The following CBL variants were observed in gnomAD, a reference collection of about 807,000 sequenced individuals.
CBL encodes the protein Cbl proto-oncogene.
CBL carries 45 observed loss-of-function variants against 96.9 expected under a neutral mutation model. The ratio of observed to expected loss-of-function variants is 0.46; its 90% CI spans 0.37 to 0.60. The LOEUF is 0.60. Ranked by LOEUF, CBL falls within the 20% of genes least tolerant of loss-of-function variation. CBL has a pLI of 0.00. For missense variants in CBL, 1,024 were observed against 1,143.5 expected (o/e 0.90, Z 1.51); for synonymous variants, 420 against 426.8 (o/e 0.98, Z 0.20).
At position 119,244,495 on chromosome 11, in the gene CBL, G is replaced by A. The variant is rs140688391; in HGVS notation, c.443+11800G>A. 4.0e-4 allele frequency among the ~76,000 whole-genome samples: 60 copies of A among 151,194 alleles called. 1 individual carries two copies. The East Asian group carries it at 0.01, about 26-fold the overall frequency. The stretch of plus-strand genomic sequence containing the variant: ...TGCAGTGGCACAATCTTGGCTCACC[G>A]CAGCCTCAACCTCCAGGGCTCATGT... On this transcript the variant is annotated intron_variant, in intron 2 of 15. Transcript: ENST00000264033.
At chr11:119,250,295 T>C (rs1949661764) in intron 2 of CBL, among the ~76,000 whole-genome samples, 1 of 152,220 alleles carries the variant, frequency 6.6e-6, no homozygotes, top group Non-Finnish European at 1.5e-5. Context: ...GTGTGAGATC[T>C]AGGGATTATT....
chr11:119,255,553 A>AT (rs1361373770), intron 2 of CBL, among the ~76,000 whole-genome samples: 1 of 152,004 alleles, frequency 6.6e-6, no homozygotes, highest in Non-Finnish European at 1.5e-5. Context: ...AAAAATACAT[A>AT]TTTTACTATT....
At chr11:119,231,276 G>A (rs183672502) in intron 1 of CBL, among the ~76,000 whole-genome samples, 59 of 152,282 alleles carry the variant, frequency 3.9e-4, no homozygotes, top group East Asian at 1.2e-3. Flanking sequence ...GATGGTGGCC[G>A]CCTGTAATCC....
chr11:119,263,468 CAGTT>C (rs1042691876), intron 2 of CBL, among the ~76,000 whole-genome samples: 7 of 152,208 alleles, frequency 4.6e-5, no homozygotes, highest in African/African-American at 9.6e-5. Flanking sequence ...TTCAGTGAAA[CAGTT>C]AGCTTGAAAT....
intron 2 of CBL, among the ~76,000 whole-genome samples, chr11:119,240,287 C>T (rs1020763296): frequency 2.0e-5 from 3 of 149,984 alleles, no homozygotes; most frequent in Non-Finnish European, 4.4e-5. Flanking sequence ...CAGGGTGAGA[C>T]TGTTACCAAT....
intron 1 of CBL, among the ~76,000 whole-genome samples, chr11:119,208,283 A>G (rs11217184): frequency 0.23 from 35,480 of 152,134 alleles, 4,383 homozygotes; most frequent in East Asian, 0.38. Flanking sequence ...TACTTTTCTA[A>G]TGAGTGTCTC....
chr11:119,238,013 A>C (rs1949558158), intron 2 of CBL, among the ~76,000 whole-genome samples: 1 of 151,740 alleles, frequency 6.6e-6, no homozygotes, highest in Non-Finnish European at 1.5e-5. Flanking sequence ...CTGGGATTAC[A>C]GGTGTGCACC....
At chr11:119,213,446 A>G (rs915994527) in intron 1 of CBL, among the ~76,000 whole-genome samples, 1 of 152,098 alleles carries the variant, frequency 6.6e-6, no homozygotes, top group Non-Finnish European at 1.5e-5. Flanking sequence ...TTAAGTTTAA[A>G]CATCTTTCTT....
chr11:119,289,097 T>C (rs1188022406), intron 12 of CBL, among the ~76,000 whole-genome samples: 2 of 152,202 alleles, frequency 1.3e-5, no homozygotes, highest in Non-Finnish European at 2.9e-5. Flanking sequence ...GTCAGCTAGT[T>C]TATGGTAAAA....
At chr11:119,215,991 C>T (rs749438492) in intron 1 of CBL, among the ~76,000 whole-genome samples, 4 of 152,222 alleles carry the variant, frequency 2.6e-5, no homozygotes, top group Non-Finnish European at 5.9e-5. Flanking sequence ...CAGCAGCTTC[C>T]GCAAGGAGGG....
Position 119,303,714 on chromosome 11 carries a change from A to G in CBL, c.*3933A>G, listed in dbSNP as rs1425827930. 1 of 233,592 alleles carries G rather than the reference A, an allele frequency of 4.3e-6. No individual in the cohort carries two copies. Among genetic ancestry groups the G allele is most frequent in the African/African-American group, 2.2e-5 (1 of 45,344 alleles). The allele number at this position is 233,592 out of a possible 1,614,324, so 14.5% of individuals were successfully genotyped here. On this transcript the variant is annotated 3_prime_UTR_variant, in exon 16 of 16. Transcript: ENST00000264033. Reference sequence around the variant, plus strand: ...TGTTTTTATGTTGGAATTTGTTCCAACATAATTAGAATCTGTTTGGTGAGT... The same window carrying G: ...TGTTTTTATGTTGGAATTTGTTCCAGCATAATTAGAATCTGTTTGGTGAGT...
Position 119,303,203 on chromosome 11 carries a change from A to T in CBL, c.*3422A>T, listed in dbSNP as rs1950113358. 8.6e-6 allele frequency: 2 copies of T among 231,660 alleles called. No individual in the cohort carries two copies. The highest frequency in any genetic ancestry group is 1.1e-4 in the Admixed American group (2 of 17,722). The allele number at this position is 231,660 out of a possible 1,614,324, so 14.4% of individuals were successfully genotyped here. ...TTTTTGTAGGTGTTCAGCAATGGTG[A>T]TAAAGCAGAATATTCTCCTACCTCA... On this transcript the variant is annotated 3_prime_UTR_variant, in exon 16 of 16. Coordinates refer to ENST00000264033, the MANE Select transcript of CBL (RefSeq NM_005188.4).
chr11:119,225,940 G>T (rs1280802313), intron 1 of CBL, among the ~76,000 whole-genome samples: 1 of 152,002 alleles, frequency 6.6e-6, no homozygotes, highest in Non-Finnish European at 1.5e-5. Context: ...TGTCGGCCAG[G>T]CTGGTCTCAA....
At chr11:119,238,595 C>T (rs964482377) in intron 2 of CBL, among the ~76,000 whole-genome samples, 1 of 152,030 alleles carries the variant, frequency 6.6e-6, no homozygotes, top group African/African-American at 2.4e-5. Flanking sequence ...TTTGGGAGGC[C>T]AAGGTAGGTG....
intron 2 of CBL, among the ~76,000 whole-genome samples, chr11:119,242,074 G>A (rs1387709223): frequency 6.6e-6 from 1 of 152,202 alleles, no homozygotes; most frequent in Non-Finnish European, 1.5e-5. Context: ...GAAATAGATG[G>A]ATAGGTTACT....
At chr11:119,264,388 TTTCTCTTCTC>T (rs367863373) in intron 2 of CBL, among the ~76,000 whole-genome samples, 8,714 of 133,776 alleles carry the variant, frequency 0.065, 363 homozygotes, top group South Asian at 0.12. Context: ...TTTCTTTTCT[TTTCTCTTCTC>T]TTCTCTTCTC....
intron 1 of CBL, among the ~76,000 whole-genome samples, chr11:119,214,271 C>T (rs1394374516): frequency 6.6e-6 from 1 of 150,396 alleles, no homozygotes; most frequent in African/African-American, 2.4e-5. Flanking sequence ...GTCAGAGTCT[C>T]GCTCTGTCAC....
chr11:119,286,416 A>G (rs749241612), intron 11 of CBL, among the ~76,000 whole-genome samples: 2 of 152,238 alleles, frequency 1.3e-5, no homozygotes, highest in Non-Finnish European at 2.9e-5. Context: ...TTTTAGAGAA[A>G]TAAGAGGTTA....
At chr11:119,229,852 C>T (rs529607535) in intron 1 of CBL, among the ~76,000 whole-genome samples, 130 of 151,752 alleles carry the variant, frequency 8.6e-4, no homozygotes, top group Non-Finnish European at 7.5e-4. Context: ...CTCAGCCTCC[C>T]GAGTAGCTGG....
Sources: allele counts gnomAD v4.1 joint callset (sites outside exome capture counted in the v4.1 genomes callset), GRCh38; gene constraint gnomAD v4.1.1; transcripts MANE v1.5; gene names NCBI Gene and HGNC (gene_info 2026-07-23, HGNC 2026-07-21).